YWHAE: variants seen among roughly 807,000 people sequenced by gnomAD.
The protein encoded by YWHAE is tyrosine 3-monooxygenase/tryptophan 5-monooxygenase activation protein epsilon, also known as 14-3-3 protein epsilon.
In YWHAE, 4 loss-of-function variants were observed where a neutral mutation model predicts 30.1. That is an observed-to-expected ratio of 0.13 (90% CI 0.07 to 0.30). The LOEUF (loss-of-function observed/expected upper bound fraction) is 0.30. Among genes scored for constraint, YWHAE ranks in the 10% least tolerant of loss-of-function variants. YWHAE has a pLI of 1.00. For missense variants in YWHAE, 121 were observed against 315.9 expected (o/e 0.38, Z 4.68); for synonymous variants, 118 against 111.8 (o/e 1.06, Z -0.35).
rs62087941 is a variant in YWHAE at position 1,370,338 on chromosome 17, A to C, written c.65-5280T>G. ...AGTAGAGGCGGGGTTTCACCATGTT[A>C]GCCAGGACGGTCTCGATCTCCTGAC... On this transcript the variant is annotated intron_variant, in intron 1 of 5. Coordinates refer to ENST00000264335, the MANE Select transcript of YWHAE (RefSeq NM_006761.5). Among the ~76,000 whole-genome samples, 15 of 150,974 alleles carry C rather than the reference A, an allele frequency of 9.9e-5. No individual in the cohort carries two copies. The South Asian group carries it at 2.5e-3, about 25-fold the overall frequency.
intron 2 of YWHAE, among the ~76,000 whole-genome samples, chr17:1,363,939 G>T (rs67679211): frequency 6.6e-6 from 1 of 152,044 alleles, no homozygotes; most frequent in Non-Finnish European, 1.5e-5. Flanking sequence ...ATGGTTAGCA[G>T]CACCCCAGTC....
intron 4 of YWHAE, among the ~76,000 whole-genome samples, chr17:1,354,625 C>T (rs1222664106): frequency 6.6e-6 from 1 of 152,170 alleles, no homozygotes; most frequent in Admixed American, 6.5e-5. Context: ...AAAAATATAC[C>T]TCCAAGTTCT....
intron 1 of YWHAE, chr17:1,399,355 C>G (rs1033345395): frequency 3.9e-5 from 6 of 152,424 alleles, no homozygotes; most frequent in African/African-American, 1.4e-4. Context: ...TACGAGGTGC[C>G]GGCCTACGGG....
intron 1 of YWHAE, among the ~76,000 whole-genome samples, chr17:1,391,929 T>A (rs531305062): frequency 1.3e-5 from 2 of 152,178 alleles, no homozygotes; most frequent in South Asian, 2.1e-4. Context: ...ACCAAAAAAA[T>A]TTTTTTGCCA....
chr17:1,381,836 G>A (rs564337810), intron 1 of YWHAE, among the ~76,000 whole-genome samples: 23 of 148,944 alleles, frequency 1.5e-4, no homozygotes, highest in Middle Eastern at 3.4e-3. Context: ...TCACTGGAAC[G>A]TGAGAGGTCA....
At chr17:1,373,911 C>T (rs912638310) in intron 1 of YWHAE, among the ~76,000 whole-genome samples, 6 of 152,060 alleles carry the variant, frequency 3.9e-5, no homozygotes, top group Admixed American at 2.6e-4. Flanking sequence ...CACAACCTAC[C>T]GTATGGAGTC....
chr17:1,359,952 G>A (rs2072835470), intron 4 of YWHAE, among the ~76,000 whole-genome samples: 1 of 52,626 alleles, frequency 1.9e-5, no homozygotes, highest in East Asian at 9.7e-4. Context: ...GAGGGGGGGA[G>A]AGAGGGGGAG....
chr17:1,358,247 A>T lies in YWHAE; in HGVS notation c.578+2845T>A, dbSNP rs78891320. On this transcript the variant is annotated intron_variant, in intron 4 of 5. Coordinates refer to ENST00000264335, the MANE Select transcript of YWHAE (RefSeq NM_006761.5). ...CTACAAAACAAAACAACAAAAAAAA[A>T]TTTTTTTTTTGAGACGGAGTCTCGC... Among the ~76,000 whole-genome samples, 63 of 150,326 alleles carry T rather than the reference A, an allele frequency of 4.2e-4. 1 individual carries two copies. In the East Asian group the frequency reaches 7.3e-3, roughly 18 times the overall value.
chr17:1,357,787 T>A (rs1429793378), intron 4 of YWHAE, among the ~76,000 whole-genome samples: 3 of 149,214 alleles, frequency 2.0e-5, no homozygotes, highest in Admixed American at 6.7e-5. Flanking sequence ...ATTAGCTGGG[T>A]ATGGTGGCGG....
chr17:1,354,562 T>G (rs982826547), intron 4 of YWHAE, among the ~76,000 whole-genome samples: 9 of 152,208 alleles, frequency 5.9e-5, no homozygotes, highest in African/African-American at 2.2e-4. Flanking sequence ...TGCTATAATA[T>G]ACATATCGAC....
chr17:1,371,773 T>A (rs1452886231), intron 1 of YWHAE, among the ~76,000 whole-genome samples: 1 of 151,986 alleles, frequency 6.6e-6, no homozygotes, highest in Non-Finnish European at 1.5e-5. Flanking sequence ...TCACCATCAA[T>A]AATGTTAGCT....
At chr17:1,370,364 C>G (rs1024782048) in intron 1 of YWHAE, among the ~76,000 whole-genome samples, 20 of 151,924 alleles carry the variant, frequency 1.3e-4, no homozygotes, top group Non-Finnish European at 2.5e-4. Context: ...ATCTCCTGAC[C>G]TTGTGATCCG....
intron 2 of YWHAE, among the ~76,000 whole-genome samples, chr17:1,363,651 C>A (rs952981466): frequency 6.6e-6 from 1 of 152,144 alleles, no homozygotes; most frequent in Non-Finnish European, 1.5e-5. Flanking sequence ...AATACCTCCC[C>A]CTTCCAGTGC....
chr17:1,357,055 G>A (rs1382187572), intron 4 of YWHAE, among the ~76,000 whole-genome samples: 1 of 150,896 alleles, frequency 6.6e-6, no homozygotes, highest in Non-Finnish European at 1.5e-5. Context: ...AGATCACGAG[G>A]TCAGGAGATC....
chr17:1,387,075 C>T (rs2073311271), intron 1 of YWHAE, among the ~76,000 whole-genome samples: 1 of 152,184 alleles, frequency 6.6e-6, no homozygotes, highest in Admixed American at 6.6e-5. Context: ...CAATCTTTTA[C>T]CAAGATTCTA....
At chr17:1,362,557 G>T (rs535783322) in intron 2 of YWHAE, among the ~76,000 whole-genome samples, 1 of 152,064 alleles carries the variant, frequency 6.6e-6, no homozygotes, top group African/African-American at 2.4e-5. Flanking sequence ...GCAGAGATCC[G>T]TAACTATTAA....
In YWHAE at chr17:1,361,316, T is replaced by TAAA; in HGVS notation, c.372-19_372-18insTTT. ...CCCCTTTCCTAAAACAAAACCAAAA[T>TAAA]TAAAAAAAAAAAAAAAATTTAAACT... On this transcript the variant is annotated intron_variant, in intron 3 of 5. Transcript: ENST00000264335. The TAAA allele has an allele frequency of 7.1e-7, 1 of 1,404,868 alleles. No individual in the cohort carries two copies. Among genetic ancestry groups the TAAA allele is most frequent in the Non-Finnish European group, 9.3e-7 (1 of 1,078,118 alleles). 87.0% of individuals were successfully genotyped at this position (1,404,868 alleles called of 1,614,324 possible). A position where few individuals can be genotyped will look rare whatever the true frequency, so the allele number is the denominator to read the frequency against.
chr17:1,394,654 AAT>A (rs1464775278), intron 1 of YWHAE, among the ~76,000 whole-genome samples: 1 of 151,810 alleles, frequency 6.6e-6, no homozygotes, highest in East Asian at 1.9e-4. Flanking sequence ...ACATACACCT[AAT>A]ATGTGCCCAT....
chr17:1,358,810 G>A (rs1396740268), intron 4 of YWHAE, among the ~76,000 whole-genome samples: 2 of 128,364 alleles, frequency 1.6e-5, no homozygotes, highest in East Asian at 2.3e-4. Flanking sequence ...AGCCTGGCCA[G>A]CAGAGCGAGA....
Sources: allele counts gnomAD v4.1 joint callset (sites outside exome capture counted in the v4.1 genomes callset), GRCh38; gene constraint gnomAD v4.1.1; transcripts MANE v1.5; gene names NCBI Gene and HGNC (gene_info 2026-07-23, HGNC 2026-07-21).